CLVS1: variants seen among roughly 807,000 people sequenced by gnomAD.
CLVS1 encodes the protein clavesin-1.
A neutral mutation model predicts 33.1 loss-of-function variants in CLVS1; 10 were observed. That is an observed-to-expected ratio of 0.30 (90% CI 0.19 to 0.51). The LOEUF is 0.51. Ranked by LOEUF, CLVS1 falls within the 20% of genes least tolerant of loss-of-function variation. CLVS1 has a pLI of 0.97. For synonymous variants in CLVS1, 163 were observed against 166.1 expected (o/e 0.98, Z 0.14); for missense variants, 343 against 433.4 (o/e 0.79, Z 1.85).
chr8:61,243,415 TC>T (rs1275783406), intron 2 of CLVS1, among the ~76,000 whole-genome samples: 1 of 151,990 alleles, frequency 6.6e-6, no homozygotes, highest in Non-Finnish European at 1.5e-5. Context: ...TTTACAGGAG[TC>T]CCTCCTCATT....
intron 3 of CLVS1, among the ~76,000 whole-genome samples, chr8:61,410,988 T>C (rs1298755068): frequency 1.3e-5 from 2 of 152,142 alleles, no homozygotes; most frequent in Non-Finnish European, 2.9e-5. Context: ...AGAACCTTGT[T>C]CTCCTCCTAC....
intron 2 of CLVS1, among the ~76,000 whole-genome samples, chr8:61,336,606 A>G (rs1175283768): frequency 5.3e-5 from 8 of 152,196 alleles, no homozygotes; most frequent in African/African-American, 1.9e-4. Context: ...ATGTGCATAA[A>G]AGGAGGAAAG....
chr8:61,035,960 T>C, the CLVS1 span, among the ~76,000 whole-genome samples: 1 of 152,204 alleles, frequency 6.6e-6, no homozygotes, highest in Non-Finnish European at 1.5e-5. Flanking sequence ...GGTAGGTTGA[T>C]ACTGTTCAGG....
intron 2 of CLVS1, among the ~76,000 whole-genome samples, chr8:61,189,871 A>G (rs1312971826): frequency 1.3e-5 from 2 of 152,246 alleles, no homozygotes; most frequent in Non-Finnish European, 2.9e-5. Context: ...AGTTTCATAA[A>G]GCAAGTCCTT....
At chr8:61,123,822 A>T (rs977679092) in intron 1 of CLVS1, among the ~76,000 whole-genome samples, 1 of 152,200 alleles carries the variant, frequency 6.6e-6, no homozygotes, top group African/African-American at 2.4e-5. Context: ...CCCTGTGTTT[A>T]CTCTGCAGTC....
At chr8:61,389,258 G>A (rs1814205987) in intron 3 of CLVS1, among the ~76,000 whole-genome samples, 2 of 152,142 alleles carry the variant, frequency 1.3e-5, no homozygotes, top group Non-Finnish European at 2.9e-5. Context: ...GAAATAACAG[G>A]GCCAAGTGCA....
chr8:61,050,653 A>G, the CLVS1 span, among the ~76,000 whole-genome samples: 2 of 145,780 alleles, frequency 1.4e-5, no homozygotes, highest in East Asian at 4.1e-4. Flanking sequence ...TCAGGGAGGG[A>G]CATTTCACTC....
At chr8:61,021,322 C>A in the CLVS1 span, among the ~76,000 whole-genome samples, 2 of 152,022 alleles carry the variant, frequency 1.3e-5, no homozygotes, top group Non-Finnish European at 2.9e-5. Flanking sequence ...GGGCCACATA[C>A]GTTAGATTTC....
intron 3 of CLVS1, among the ~76,000 whole-genome samples, chr8:61,383,655 A>C (rs550154866): frequency 6.6e-6 from 1 of 152,360 alleles, no homozygotes; most frequent in Non-Finnish European, 1.5e-5. Flanking sequence ...CTACCTTATT[A>C]AGTATCAATT....
chr8:61,393,291 T>G (rs951256732), intron 3 of CLVS1, among the ~76,000 whole-genome samples: 1 of 152,170 alleles, frequency 6.6e-6, no homozygotes, highest in African/African-American at 2.4e-5. Flanking sequence ...CTTCGAAGAT[T>G]TTTTCATTCA....
At chr8:61,342,391 G>T (rs1812057211) in intron 2 of CLVS1, among the ~76,000 whole-genome samples, 1 of 152,220 alleles carries the variant, frequency 6.6e-6, no homozygotes, top group South Asian at 2.1e-4. Flanking sequence ...CTAAAGCAAA[G>T]AAATGGAATT....
intron 2 of CLVS1, among the ~76,000 whole-genome samples, chr8:61,246,990 G>A (rs1004375603): frequency 1.3e-5 from 2 of 152,012 alleles, no homozygotes; most frequent in Non-Finnish European, 2.9e-5. Flanking sequence ...CCCAGTGTCT[G>A]TTGTTTCCTT....
intron 1 of CLVS1, among the ~76,000 whole-genome samples, chr8:61,289,126 G>A (rs1490451765): frequency 6.6e-6 from 1 of 152,188 alleles, no homozygotes; most frequent in Non-Finnish European, 1.5e-5. Context: ...GCCTTGCTTT[G>A]TTTGTCACCA....
chr8:61,121,308 A>G (rs1023316143), intron 1 of CLVS1, among the ~76,000 whole-genome samples: 1 of 152,154 alleles, frequency 6.6e-6, no homozygotes, highest in South Asian at 2.1e-4. Context: ...GGTACCTCAG[A>G]TGGAAATGCA....
At chr8:60,995,725 C>A in the CLVS1 span, among the ~76,000 whole-genome samples, 18 of 152,222 alleles carry the variant, frequency 1.2e-4, no homozygotes, top group East Asian at 2.5e-3. Flanking sequence ...ATGTTTATTG[C>A]GGCATTATTC....
chr8:61,291,094 T>A (rs1258074166), intron 1 of CLVS1, among the ~76,000 whole-genome samples: 1 of 152,184 alleles, frequency 6.6e-6, no homozygotes, highest in African/African-American at 2.4e-5. Flanking sequence ...CCCTGCCCCA[T>A]AAAAAGCTTC....
At chr8:61,376,572 C>G (rs943238913) in intron 2 of CLVS1, 33 bp from the exon 3 acceptor site, 1 of 1,599,510 alleles carries the variant, frequency 6.3e-7, no homozygotes, top group African/African-American at 1.3e-5. Context: ...TGCTCATATT[C>G]ACACACAGCT....
chr8:61,425,134 A>G (rs1037933023), intron 3 of CLVS1, among the ~76,000 whole-genome samples: 4 of 152,218 alleles, frequency 2.6e-5, no homozygotes, highest in African/African-American at 9.6e-5. Flanking sequence ...TTATCAATAA[A>G]TGTTTGTTGG....
At chr8:61,380,988 A>G (rs1813854423) in intron 3 of CLVS1, among the ~76,000 whole-genome samples, 1 of 152,126 alleles carries the variant, frequency 6.6e-6, no homozygotes, top group Non-Finnish European at 1.5e-5. Flanking sequence ...TGAAGGACCC[A>G]GATATTTGTT....
Sources: gnomAD v4.1 joint callset for allele counts (sites outside exome capture counted in the v4.1 genomes callset) on GRCh38, gnomAD v4.1.1 for gene constraint, MANE v1.5 for transcripts, NCBI Gene and HGNC (gene_info 2026-07-23, HGNC 2026-07-21) for gene names.